The following FXR1 variants were observed in gnomAD, a reference collection of about 807,000 sequenced individuals.
FXR1 encodes the protein RNA-binding protein FXR1.
FXR1 carries 15 observed loss-of-function variants against 84.0 expected under a neutral mutation model. The observed-to-expected ratio is 0.18, with a 90% CI of 0.12 to 0.27. The LOEUF (loss-of-function observed/expected upper bound fraction) is 0.27, where lower values mean the gene tolerates loss of function less well. Ranked by LOEUF, FXR1 falls within the 10% of genes least tolerant of loss-of-function variation. FXR1 has a pLI of 1.00. For missense variants in FXR1, 480 were observed against 774.4 expected (o/e 0.62, Z 4.51); for synonymous variants, 245 against 250.7 (o/e 0.98, Z 0.21).
At chr3:180,953,416 A>C (rs955160689) in intron 8 of FXR1, among the ~76,000 whole-genome samples, 1 of 152,198 alleles carries the variant, frequency 6.6e-6, no homozygotes, top group Non-Finnish European at 1.5e-5. Context: ...AATTTCAAGC[A>C]GGAGGTATAG....
At position 180,948,402 on chromosome 3, in the gene FXR1, T is replaced by A. The variant is rs527653866; in HGVS notation, c.326T>A (p.Phe109Tyr). 4.4e-6 allele frequency: 7 copies of A among 1,607,456 alleles called. No homozygotes were observed. In the South Asian group the frequency reaches 7.7e-5, roughly 18 times the overall value. Residue 109 changes from phenylalanine to tyrosine, a missense_variant, in exon 5 of 17, where the codon TTT becomes TAT. Physicochemically the swap from Phe to Tyr is conservative, Grantham distance 22 (BLOSUM62 3). Around this residue, in one of 6 missense-constraint regions of FXR1, gnomAD observed 136 missense variants for 315.4 expected, o/e 0.43. Transcript: ENST00000357559. ...GCTACTTACAATGAAATAGTCACAT[T>A]TGAACGACTTCGGCCTGTCAATCAA... ...CDATYNEIVT[F>Y]ERLRPVNQNK...
At chr3:180,965,175 CCTGA>C (rs1417073796) in intron 13 of FXR1, among the ~76,000 whole-genome samples, 1 of 152,010 alleles carries the variant, frequency 6.6e-6, no homozygotes, top group Non-Finnish European at 1.5e-5. Context: ...CACCACCATG[CCTGA>C]CTAATTTTGT....
chr3:180,948,680 T>G (rs1278460103), intron 5 of FXR1, 41 bp from the exon 6 acceptor site: 11 of 1,090,784 alleles, frequency 1.0e-5, no homozygotes, highest in Non-Finnish European at 1.5e-5. Flanking sequence ...CTGACTTTAA[T>G]CTGTTATTGA....
intron 3 of FXR1, among the ~76,000 whole-genome samples, chr3:180,938,834 C>T (rs1462373250): frequency 6.6e-6 from 1 of 152,112 alleles, no homozygotes; most frequent in East Asian, 1.9e-4. Flanking sequence ...AGGTGTGAGC[C>T]ACTGTGCCCA....
intron 10 of FXR1, among the ~76,000 whole-genome samples, chr3:180,959,918 C>T (rs1711866733): frequency 6.6e-6 from 1 of 151,988 alleles, no homozygotes; most frequent in African/African-American, 2.4e-5. Flanking sequence ...ATATATAGAA[C>T]TAAAATGTCT....
intron 10 of FXR1, 86 bp from the exon 11 acceptor site, chr3:180,961,382 T>C (rs1309975902): frequency 5.9e-5 from 24 of 408,832 alleles, no homozygotes; most frequent in Admixed American, 5.8e-4. Context: ...TGTGTGTGTG[T>C]GCCTGCCTGT....
intron 7 of FXR1, 56 bp downstream of exon 7, chr3:180,949,399 T>G: frequency 1.1e-6 from 1 of 884,810 alleles, no homozygotes; most frequent in Non-Finnish European, 1.9e-6. Flanking sequence ...TTTTGTTTGT[T>G]TTTTGGAGAC....
At position 180,915,654 on chromosome 3, in the gene FXR1, C is replaced by T. The variant is rs765390906; in HGVS notation, c.51+2918C>T. 3 of 709,812 alleles carry T rather than the reference C, an allele frequency of 4.2e-6. No individual in the cohort carries two copies. The South Asian group carries it at 4.4e-5, about 10-fold the overall frequency. The allele number at this position is 709,812 out of a possible 1,614,324, so 44.0% of individuals were successfully genotyped here. A position where few individuals can be genotyped will look rare whatever the true frequency, so the allele number is the denominator to read the frequency against. The stretch of plus-strand genomic sequence containing the variant: ...CAGGTGATCTGAATTTCCCTTTTTT[C>T]CCCTCCTCTTACCCCGTATAGGCAG... On this transcript the variant is annotated intron_variant, in intron 1 of 16. Transcript: ENST00000357559.
intron 3 of FXR1, 37 bp from the exon 4 acceptor site, chr3:180,947,827 TG>T: frequency 8.7e-7 from 1 of 1,150,260 alleles, no homozygotes; most frequent in Non-Finnish European, 1.3e-6. Context: ...TGAAATCTTT[TG>T]GGATGAATGG....
Position 180,951,549 on chromosome 3 carries a change from T to A in FXR1, c.801+81T>A, listed in dbSNP as rs962098022. The A allele has an allele frequency of 8.7e-6, 9 of 1,032,568 alleles. No homozygotes were observed. The East Asian group carries it at 1.7e-4, about 20-fold the overall frequency. 64.0% of individuals were successfully genotyped at this position (1,032,568 alleles called of 1,614,324 possible). On this transcript the variant is annotated intron_variant, in intron 8 of 16. Transcript: ENST00000357559. ...TTATATTTTTATCTGAAATTCCAGT[T>A]TCCCATGAAACATTTTTGAGGTAGA... is the stretch of plus-strand genomic sequence containing the variant.
intron 1 of FXR1, among the ~76,000 whole-genome samples, chr3:180,913,156 T>C (rs1234380797): frequency 4.6e-5 from 7 of 151,836 alleles, no homozygotes; most frequent in Non-Finnish European, 8.8e-5. Flanking sequence ...GGGCGGGAGC[T>C]CCTCAGCCCG....
rs1577016204 is a variant in FXR1, at chr3:180,977,019, A to G, written c.*727A>G. The G allele has an allele frequency of 6.6e-6, 1 of 152,598 alleles. No homozygotes were observed. Among genetic ancestry groups the G allele is most frequent in the East Asian group, 1.9e-4 (1 of 5,194 alleles). 9.5% of individuals were successfully genotyped at this position (152,598 alleles called of 1,614,324 possible). On this transcript the variant is annotated 3_prime_UTR_variant, in exon 17 of 17. Transcript: ENST00000357559. Reference sequence around the variant, plus strand: ...ACTACTGAAAAGATCAATTTCCAGAAGGTTTATTCTGTATAAACTACATGT... The same window carrying G: ...ACTACTGAAAAGATCAATTTCCAGAGGGTTTATTCTGTATAAACTACATGT...
chr3:180,953,652 G>A (rs1722453176), intron 8 of FXR1, 110 bp from the exon 9 acceptor site: 1 of 627,296 alleles, frequency 1.6e-6, no homozygotes, highest in African/African-American at 1.9e-5. Flanking sequence ...TAATCTTTTA[G>A]TAGAACATAA....
Position 180,978,965 on chromosome 3 carries a change from AGT to A in FXR1, c.*2676_*2677del, listed in dbSNP as rs975950117. The A allele has an allele frequency of 4.6e-5, 7 of 152,088 alleles. No individual in the cohort carries two copies. Among genetic ancestry groups the A allele is most frequent in the African/African-American group, 1.2e-4 (5 of 41,430 alleles). 9.4% of individuals were successfully genotyped at this position (152,088 alleles called of 1,614,324 possible). A position where few individuals can be genotyped will look rare whatever the true frequency, so the allele number is the denominator to read the frequency against. ...TAACACTTCAGAAATAATTGGCAAA[AGT>A]GTAATAGGAATACACAAATCTTTAT... On this transcript the variant is annotated 3_prime_UTR_variant, in exon 17 of 17. Coordinates refer to ENST00000357559, the MANE Select transcript of FXR1 (RefSeq NM_005087.4).
intron 8 of FXR1, among the ~76,000 whole-genome samples, chr3:180,952,101 C>T (rs1576964463): frequency 6.6e-6 from 1 of 152,080 alleles, no homozygotes; most frequent in East Asian, 1.9e-4. Flanking sequence ...TAAATTGAGA[C>T]CATCCTTCAA....
rs990695997 is a variant in FXR1 at position 180,982,567 on chromosome 3, T to C, written c.*6275T>C. ...GTTGTTTGCACTGAACCCTCAAAAG[T>C]ATTTATACCTATTAAGTTAAATTTC... On this transcript the variant is annotated 3_prime_UTR_variant, in exon 17 of 17. Transcript: ENST00000357559. 1.3e-5 allele frequency: 2 copies of C among 152,192 alleles called. No individual in the cohort carries two copies. Among genetic ancestry groups the C allele is most frequent in the African/African-American group, 4.8e-5 (2 of 41,466 alleles). 9.4% of individuals were successfully genotyped at this position (152,192 alleles called of 1,614,324 possible).
chr3:180,970,392 A>G (rs1003607381), intron 15 of FXR1, 34 bp downstream of exon 15: 1 of 262,574 alleles, frequency 3.8e-6, no homozygotes, highest in Non-Finnish European at 7.0e-6. Context: ...AAATATATAT[A>G]TATATATATA....
rs780929325 is a variant in FXR1 at position 180,962,955 on chromosome 3, CCTT to C, written c.1135+20_1135+22del. Reference sequence around the variant, plus strand: ...GCGACAGATTGGTATGGGTTTCAGACCTTCTTCCACCAGAGGGCCTGAAAAAGA... The same window carrying C: ...GCGACAGATTGGTATGGGTTTCAGACCTTCCACCAGAGGGCCTGAAAAAGA... On this transcript the variant is annotated intron_variant, in intron 12 of 16. Coordinates refer to ENST00000357559, the MANE Select transcript of FXR1 (RefSeq NM_005087.4). The C allele has an allele frequency of 2.5e-6, 4 of 1,611,800 alleles. No individual in the cohort carries two copies. The highest frequency in any genetic ancestry group is 2.2e-5 in the East Asian group (1 of 44,858).
chr3:180,946,128 G>A (rs1486613228), intron 3 of FXR1, among the ~76,000 whole-genome samples: 2 of 152,118 alleles, frequency 1.3e-5, no homozygotes, highest in Non-Finnish European at 1.5e-5. Context: ...ACTGGTCAAC[G>A]GTAGCTAAAA....
Sources: allele counts gnomAD v4.1 joint callset (sites outside exome capture counted in the v4.1 genomes callset), GRCh38; gene constraint gnomAD v4.1.1; regional missense constraint gnomAD v4.1.1; transcripts MANE v1.5; gene names NCBI Gene and HGNC (gene_info 2026-07-23, HGNC 2026-07-21).